The following CEP112 variants were observed in gnomAD, a reference collection of about 807,000 sequenced individuals.
CEP112 encodes centrosomal protein of 112 kDa.
In CEP112, 127 loss-of-function variants were observed where a neutral mutation model predicts 153.0. The ratio of observed to expected loss-of-function variants is 0.83; its 90% confidence interval spans 0.72 to 0.96. CEP112 has a LOEUF of 0.96. Ranked by LOEUF, CEP112 falls within the 40% of genes least tolerant of loss-of-function variation. The probability of loss-of-function intolerance (pLI) is 0.00; values close to 1 mark genes in which losing one functional copy is unlikely to be tolerated. For synonymous variants in CEP112, 358 were observed against 374.4 expected, an observed-to-expected ratio of 0.96 and a Z score of 0.51; for missense variants, 1,089 against 1,101.2, an observed-to-expected ratio of 0.99 and a Z score of 0.16.
At chr17:66,034,158 T>C (rs1439129008) in intron 12 of CEP112, among the ~76,000 whole-genome samples, 4 of 152,176 alleles carry the variant, frequency 2.6e-5, no homozygotes, top group African/African-American at 4.8e-5. Context: ...GGATAACTGC[T>C]AAAATGTCAA....
intron 18 of CEP112, among the ~76,000 whole-genome samples, chr17:65,950,719 A>AGTAGTAGTG (rs2061800614): frequency 6.6e-6 from 1 of 151,534 alleles, no homozygotes; most frequent in South Asian, 2.1e-4. Flanking sequence ...TAGTAGTAGT[A>AGTAGTAGTG]GTAGTAGTAG....
intron 12 of CEP112, among the ~76,000 whole-genome samples, chr17:66,043,385 A>G (rs1292221401): frequency 6.6e-6 from 1 of 152,124 alleles, no homozygotes; most frequent in African/African-American, 2.4e-5. Context: ...TTAATTTAGA[A>G]GCATATGTAT....
At chr17:65,722,450 T>C (rs1455078086) in intron 23 of CEP112, among the ~76,000 whole-genome samples, 1 of 152,186 alleles carries the variant, frequency 6.6e-6, no homozygotes, top group Non-Finnish European at 1.5e-5. Flanking sequence ...GGTTTCACCA[T>C]GTTGGCCAGG....
chr17:65,996,551 C>T (rs1417967464), intron 17 of CEP112, among the ~76,000 whole-genome samples: 4 of 152,318 alleles, frequency 2.6e-5, no homozygotes, highest in East Asian at 3.9e-4. Flanking sequence ...ACATCTGATC[C>T]GCTGTGGCTG....
At chr17:65,997,280 C>T (rs1730483695) in intron 17 of CEP112, among the ~76,000 whole-genome samples, 1 of 152,180 alleles carries the variant, frequency 6.6e-6, no homozygotes, top group Non-Finnish European at 1.5e-5. Context: ...ATCCATAAGC[C>T]TCCTAACAGC....
At chr17:65,986,578 A>G (rs1205378321) in intron 17 of CEP112, among the ~76,000 whole-genome samples, 1 of 152,212 alleles carries the variant, frequency 6.6e-6, no homozygotes, top group African/African-American at 2.4e-5. Context: ...GGTGTACTAT[A>G]TGTAGGGAGC....
At chr17:65,890,075 T>C (rs2059410816) in intron 20 of CEP112, among the ~76,000 whole-genome samples, 1 of 152,192 alleles carries the variant, frequency 6.6e-6, no homozygotes, top group South Asian at 2.1e-4. Context: ...TTGCACAAAG[T>C]AAGTATTTTT....
At chr17:66,014,227 T>C (rs992348539) in intron 16 of CEP112, among the ~76,000 whole-genome samples, 2 of 152,044 alleles carry the variant, frequency 1.3e-5, no homozygotes, top group South Asian at 2.1e-4. Flanking sequence ...GGCCAGTGCA[T>C]GTCAGTGGGG....
chr17:66,149,230 A>C (rs1404601140), intron 4 of CEP112, among the ~76,000 whole-genome samples: 2 of 152,216 alleles, frequency 1.3e-5, no homozygotes, highest in African/African-American at 4.8e-5. Flanking sequence ...TGTTGAATTC[A>C]GTTTACAAGT....
chr17:66,172,992 C>T (rs527764529), intron 4 of CEP112, among the ~76,000 whole-genome samples: 2 of 152,236 alleles, frequency 1.3e-5, no homozygotes, highest in East Asian at 3.9e-4. Flanking sequence ...CTCCTGGGCC[C>T]AAGCTAACCT....
chr17:66,100,507 A>T (rs2146306617), intron 6 of CEP112, among the ~76,000 whole-genome samples: 1 of 152,158 alleles, frequency 6.6e-6, no homozygotes, highest in South Asian at 2.1e-4. Flanking sequence ...CAGGAAATAA[A>T]ACTGACATAA....
At chr17:66,074,860 T>A (rs1469239984) in intron 8 of CEP112, among the ~76,000 whole-genome samples, 205 of 95,632 alleles carry the variant, frequency 2.1e-3, no homozygotes, top group Middle Eastern at 5.1e-3. Flanking sequence ...AGGCTCTGTC[T>A]AAAAAAAAAA....
intron 4 of CEP112, among the ~76,000 whole-genome samples, chr17:66,161,839 AG>A (rs1297899918): frequency 6.6e-6 from 1 of 152,142 alleles, no homozygotes; most frequent in African/African-American, 2.4e-5. Context: ...ATTAAAAAAA[AG>A]AATAAAAAAA....
chr17:65,906,355 C>T (rs1038919662), intron 19 of CEP112, among the ~76,000 whole-genome samples: 2 of 151,850 alleles, frequency 1.3e-5, no homozygotes, highest in African/African-American at 4.8e-5. Context: ...CACCATGTCA[C>T]GTGTATACCT....
chr17:66,082,231 T>C (rs2067751617), intron 8 of CEP112, among the ~76,000 whole-genome samples: 1 of 151,982 alleles, frequency 6.6e-6, no homozygotes, highest in African/African-American at 2.4e-5. Context: ...TTCAGATTAC[T>C]AAAAAAAGAA....
Position 65,901,936 on chromosome 17 carries a change from T to A in CEP112, c.2163+216A>T, listed in dbSNP as rs906390694. On this transcript the variant is annotated intron_variant, in intron 20 of 26. Transcript: ENST00000535342. ...TTATAGCGCGCCATGGGATTTTTAA[T>A]CTGGCTACCTGTGGTTTCTGTAGTT... 2.4e-5 allele frequency among the ~76,000 whole-genome samples: 3 copies of A among 125,196 alleles called. No homozygotes were observed. In the Admixed American group the frequency reaches 2.9e-4, roughly 12 times the overall value. 82.1% of individuals were successfully genotyped at this position (125,196 alleles called of 152,430 possible).
chr17:65,697,108 G>A (rs949671925), intron 23 of CEP112, among the ~76,000 whole-genome samples: 2 of 152,036 alleles, frequency 1.3e-5, no homozygotes, highest in African/African-American at 4.8e-5. Context: ...ATTTTTTCAT[G>A]GTAATGGTCT....
chr17:66,102,055 T>C (rs949905727), intron 6 of CEP112, among the ~76,000 whole-genome samples: 7 of 152,186 alleles, frequency 4.6e-5, no homozygotes, highest in African/African-American at 1.7e-4. Flanking sequence ...TTTTCCACCT[T>C]ATATAGATAA....
Position 66,006,326 on chromosome 17 carries a change from G to A in CEP112, c.1657-557C>T, listed in dbSNP as rs556539834. Reference sequence around the variant, plus strand: ...AAGGGTGAAATGAAAATTTGTCTTCGGCTGGGCACGATGGCTCACATCTAT... The same window carrying A: ...AAGGGTGAAATGAAAATTTGTCTTCAGCTGGGCACGATGGCTCACATCTAT... On this transcript the variant is annotated intron_variant, in intron 16 of 26. Transcript: ENST00000535342. 4.6e-5 allele frequency among the ~76,000 whole-genome samples: 7 copies of A among 152,130 alleles called. No homozygotes were observed. In the South Asian group the frequency reaches 6.2e-4, roughly 14 times the overall value.
Sources: allele counts gnomAD v4.1 joint callset (sites outside exome capture counted in the v4.1 genomes callset), GRCh38; gene constraint gnomAD v4.1.1; transcripts MANE v1.5; gene names NCBI Gene and HGNC (gene_info 2026-07-23, HGNC 2026-07-21).